The following UROS variants were observed in gnomAD, a reference collection of about 807,000 sequenced individuals.
The protein encoded by UROS is uroporphyrinogen III synthase.
In UROS, 18 loss-of-function variants were observed where a neutral mutation model predicts 33.0. The ratio of observed to expected loss-of-function variants is 0.55; its 90% CI spans 0.38 to 0.81. The LOEUF (loss-of-function observed/expected upper bound fraction) is 0.81. Among genes scored for constraint, UROS ranks in the 30% least tolerant of loss-of-function variants. The pLI is 0.00. For missense variants in UROS, 293 were observed against 314.9 expected (o/e 0.93, Z 0.53); for synonymous variants, 114 against 121.1 (o/e 0.94, Z 0.38).
At position 125,798,105 on chromosome 10, in the gene UROS, G is replaced by T. The variant is rs1314371754; in HGVS notation, c.435C>A (p.Asn145Lys). 6 of 1,614,072 alleles carry T rather than the reference G, an allele frequency of 3.7e-6. No individual in the cohort carries two copies. Among genetic ancestry groups the T allele is most frequent in the Non-Finnish European group, 5.1e-6 (6 of 1,179,936 alleles). ...CTTTTGGCAGGATTTCTCTTTTGAG[G>T]TTTCCACAGGGAAATAGAAGAGGCA... is the stretch of plus-strand genomic sequence containing the variant. ...SALPLLFPCG[N>K]LKREILPKAL... The change falls in exon 7 of 10, where the codon AAC becomes AAA. Residue 145 changes from asparagine to lysine, a missense_variant. Transcript: ENST00000368797.
intron 5 of UROS, among the ~76,000 whole-genome samples, chr10:125,810,189 G>A (rs1852681215): frequency 6.6e-6 from 1 of 152,186 alleles, no homozygotes; most frequent in Admixed American, 6.5e-5. Flanking sequence ...CCCTCCGCTT[G>A]AGTGTGGGCT....
intron 8 of UROS, 51 bp downstream of exon 8, chr10:125,796,052 T>C (rs1851324850): frequency 6.4e-7 from 1 of 1,563,736 alleles, no homozygotes; most frequent in Non-Finnish European, 8.8e-7. Flanking sequence ...CACCCTCTGC[T>C]TCCCCACCTG....
At chr10:125,806,046 G>A (rs1432578311) in intron 6 of UROS, among the ~76,000 whole-genome samples, 1 of 152,124 alleles carries the variant, frequency 6.6e-6, no homozygotes, top group Admixed American at 6.5e-5. Flanking sequence ...AGACCACAGT[G>A]TAGAAAAAGA....
chr10:125,814,914 C>T, intron 4 of UROS, 120 bp downstream of exon 4: 1 of 1,137,194 alleles, frequency 8.8e-7, no homozygotes, highest in South Asian at 1.3e-5. Context: ...AGTCTGTGAC[C>T]TGATACCACT....
Position 125,823,214 on chromosome 10 carries a change from T to A in UROS, c.-212A>T, listed in dbSNP as rs1033645185. 1 of 209,936 alleles carries A rather than the reference T, an allele frequency of 4.8e-6. No homozygotes were observed. Among genetic ancestry groups the A allele is most frequent in the South Asian group, 1.1e-4 (1 of 9,238 alleles). 13.0% of individuals were successfully genotyped at this position (209,936 alleles called of 1,614,324 possible). A position where few individuals can be genotyped will look rare whatever the true frequency, so the allele number is the denominator to read the frequency against. ...GGCCCCAGGACCCCGCACCTCAGAC[T>A]GGGGTCGCGTGGGTGGCTGCGCGCA... On this transcript the variant is annotated 5_prime_UTR_variant, in exon 1 of 10. Transcript: ENST00000368797.
intron 9 of UROS, chr10:125,791,795 T>C (rs1371106794): frequency 6.6e-6 from 1 of 151,990 alleles, no homozygotes; most frequent in African/African-American, 2.4e-5. Flanking sequence ...AACAGTTGAG[T>C]GGTTGCCAAG....
chr10:125,786,738 A>G (rs1850643694), downstream of UROS, among the ~76,000 whole-genome samples: 1 of 152,208 alleles, frequency 6.6e-6, no homozygotes, highest in Admixed American at 6.5e-5. Context: ...TGCCCTTAAC[A>G]GAAACTGCAG....
At position 125,803,177 on chromosome 10, in the gene UROS, T is replaced by C. The variant is rs184598139; in HGVS notation, c.394+4236A>G. On this transcript the variant is annotated intron_variant, in intron 6 of 9. Coordinates refer to ENST00000368797, the MANE Select transcript of UROS (RefSeq NM_000375.3). ...TAGCTCTGTTCCTTATGGACAAGTT[T>C]TCCCTCTCTGAGCTCAGTTTCTTCA... 9.2e-3 allele frequency among the ~76,000 whole-genome samples: 1,406 copies of C among 152,266 alleles called. 15 individuals carry two copies. The highest frequency in any genetic ancestry group is 0.014 in the Non-Finnish European group (946 of 68,020).
chr10:125,803,097 C>T (rs571173609), intron 6 of UROS: 2 of 1,606,618 alleles, frequency 1.2e-6, no homozygotes, highest in East Asian at 2.2e-5. Context: ...GCAAGGGAGA[C>T]AGGAAGAGCT....
chr10:125,819,270 C>T (rs1345682889), intron 1 of UROS, among the ~76,000 whole-genome samples: 2 of 152,248 alleles, frequency 1.3e-5, no homozygotes, highest in African/African-American at 4.8e-5. Context: ...GTGTGAGCCA[C>T]TGCACCCGGC....
At chr10:125,802,791 AG>A in intron 6 of UROS, 1 of 1,440,760 alleles carries the variant, frequency 6.9e-7, no homozygotes, top group Non-Finnish European at 9.1e-7. Flanking sequence ...CCAGCGGTAC[AG>A]ACTGAGGCAT....
chr10:125,820,744 A>T (rs1310111515), intron 1 of UROS, among the ~76,000 whole-genome samples: 1 of 152,236 alleles, frequency 6.6e-6, no homozygotes, highest in Non-Finnish European at 1.5e-5. Flanking sequence ...CCCAGGTCAC[A>T]CAGCACAGTA....
intron 1 of UROS, among the ~76,000 whole-genome samples, chr10:125,821,298 T>A (rs1213300807): frequency 6.6e-6 from 1 of 152,220 alleles, no homozygotes; most frequent in Non-Finnish European, 1.5e-5. Flanking sequence ...TGGAGTATTA[T>A]TCAGCCTTAA....
downstream of UROS, among the ~76,000 whole-genome samples, chr10:125,787,993 C>T (rs1448163105): frequency 2.0e-5 from 3 of 152,140 alleles, no homozygotes; most frequent in Admixed American, 6.5e-5. Flanking sequence ...GTTTCCTCAC[C>T]AGAAAAATGG....
chr10:125,798,010 A>C (rs771958935), intron 7 of UROS, 55 bp downstream of exon 7: 2 of 1,601,620 alleles, frequency 1.2e-6, no homozygotes, highest in East Asian at 4.5e-5. Context: ...ATCACTGCAA[A>C]GGCTCCTGGT....
At chr10:125,785,585 T>G (rs1850613622), downstream of UROS, 1 of 152,256 alleles carries the variant, frequency 6.6e-6, no homozygotes, top group African/African-American at 2.4e-5. Context: ...GAAGTTGTAT[T>G]AACGCTTAAC....
At position 125,788,921 on chromosome 10, in the gene UROS, G is replaced by C. The variant is rs1442507186; in HGVS notation, c.745C>G (p.Gln249Glu). The C allele has an allele frequency of 5.0e-6, 8 of 1,608,402 alleles. No homozygotes were observed. The highest frequency in any genetic ancestry group is 6.8e-6 in the Non-Finnish European group (8 of 1,178,708). The part of the protein sequence containing the change: ...VSCTAESPTP[Q>E]ALATGIRKAL... Reference sequence around the variant, plus strand: ...TTCCTGATGCCAGTGGCCAGGGCTTGTGGCGTGGGGCTCTCTGCAGTGCAG... The same window carrying C: ...TTCCTGATGCCAGTGGCCAGGGCTTCTGGCGTGGGGCTCTCTGCAGTGCAG... The change falls in exon 10 of 10, where the codon CAA becomes GAA. Residue 249 changes from glutamine (Q) to glutamate (E), a missense_variant. By Grantham distance (29) the Gln-to-Glu change is conservative. Coordinates refer to ENST00000368797, the MANE Select transcript of UROS (RefSeq NM_000375.3).
chr10:125,797,906 C>A (rs188466150), intron 7 of UROS, among the ~76,000 whole-genome samples, 159 bp downstream of exon 7: 166 of 152,360 alleles, frequency 1.1e-3, no homozygotes, highest in Non-Finnish European at 1.8e-4. Flanking sequence ...CACGTCCACT[C>A]TTCCCATGAG....
At chr10:125,785,447 C>A (rs1249312385), downstream of UROS, 1 of 152,224 alleles carries the variant, frequency 6.6e-6, no homozygotes, top group Non-Finnish European at 1.5e-5. Context: ...AATATTGAGA[C>A]CACCTCACTG....
Sources: gnomAD v4.1 joint callset for allele counts (sites outside exome capture counted in the v4.1 genomes callset) on GRCh38, gnomAD v4.1.1 for gene constraint, MANE v1.5 for transcripts, NCBI Gene and HGNC (gene_info 2026-07-23, HGNC 2026-07-21) for gene names.